Variants in MMP16 observed in about 807,000 individuals in gnomAD.
MMP16 encodes matrix metallopeptidase 16, also known as matrix metalloproteinase-16.
A neutral mutation model predicts 67.8 loss-of-function variants in MMP16; 12 were observed. That is an observed-to-expected ratio of 0.18 (90% CI 0.11 to 0.29). The LOEUF is 0.29. Ranked by LOEUF, MMP16 falls within the 10% of genes least tolerant of loss-of-function variation. The probability of loss-of-function intolerance (pLI) is 1.00; values close to 1 mark genes in which losing one functional copy is unlikely to be tolerated. For missense variants in MMP16, 475 were observed against 765.7 expected (o/e 0.62, Z 4.48); for synonymous variants, 249 against 255.9 (o/e 0.97, Z 0.26).
intron 3 of MMP16, among the ~76,000 whole-genome samples, chr8:88,181,482 C>T (rs1302322858): frequency 6.6e-6 from 1 of 151,538 alleles, no homozygotes; most frequent in Non-Finnish European, 1.5e-5. Flanking sequence ...TCAAAATATG[C>T]ATATGAGGAA....
intron 4 of MMP16, among the ~76,000 whole-genome samples, chr8:88,135,322 A>G (rs1383286178): frequency 1.1e-4 from 17 of 151,890 alleles, no homozygotes; most frequent in African/African-American, 3.9e-4. Context: ...AGCATCTAAA[A>G]TGCTGCAAGC....
At chr8:88,294,325 T>C (rs1810972500) in intron 1 of MMP16, among the ~76,000 whole-genome samples, 1 of 151,098 alleles carries the variant, frequency 6.6e-6, no homozygotes, top group Admixed American at 6.6e-5. Flanking sequence ...TGTCTATATG[T>C]GTATGTCTAT....
At chr8:88,245,083 C>T (rs1810092292) in intron 1 of MMP16, among the ~76,000 whole-genome samples, 1 of 152,068 alleles carries the variant, frequency 6.6e-6, no homozygotes, top group African/African-American at 2.4e-5. Context: ...ATCTCTATTC[C>T]TTCTTTGCCA....
chr8:88,136,297 G>A (rs1490201562), intron 4 of MMP16, among the ~76,000 whole-genome samples: 1 of 151,856 alleles, frequency 6.6e-6, no homozygotes, highest in Non-Finnish European at 1.5e-5. Context: ...AGCACTGTAA[G>A]AGCTTGACTA....
At chr8:88,138,411 G>A (rs574305973) in intron 4 of MMP16, among the ~76,000 whole-genome samples, 1 of 152,098 alleles carries the variant, frequency 6.6e-6, no homozygotes, top group East Asian at 1.9e-4. Flanking sequence ...TGAGCCAACT[G>A]AAGACTATTT....
chr8:88,317,579 A>C (rs983105527), intron 1 of MMP16, among the ~76,000 whole-genome samples: 1 of 152,184 alleles, frequency 6.6e-6, no homozygotes, highest in African/African-American at 2.4e-5. Flanking sequence ...TTGCAGTGAG[A>C]AAACCAAACC....
chr8:88,098,887 T>C (rs1036222737), intron 6 of MMP16, among the ~76,000 whole-genome samples: 1 of 151,952 alleles, frequency 6.6e-6, no homozygotes, highest in African/African-American at 2.4e-5. Flanking sequence ...TAAAACTATA[T>C]GATCACTATT....
chr8:88,131,803 T>C (rs909800460), intron 4 of MMP16, among the ~76,000 whole-genome samples: 5 of 151,894 alleles, frequency 3.3e-5, no homozygotes, highest in East Asian at 1.9e-4. Flanking sequence ...ACTTTCTTCA[T>C]TGGAATACCA....
intron 1 of MMP16, among the ~76,000 whole-genome samples, chr8:88,249,541 A>T (rs1327074923): frequency 6.6e-6 from 1 of 152,132 alleles, no homozygotes; most frequent in African/African-American, 2.4e-5. Flanking sequence ...TTCTTGGAGT[A>T]ACTTTCCCAC....
At chr8:88,065,305 T>C (rs1808450671) in intron 7 of MMP16, among the ~76,000 whole-genome samples, 1 of 152,086 alleles carries the variant, frequency 6.6e-6, no homozygotes. Flanking sequence ...AACTTTTAGA[T>C]ACACAAGTAA....
At chr8:88,079,003 C>T (rs1808700539) in intron 6 of MMP16, among the ~76,000 whole-genome samples, 2 of 152,164 alleles carry the variant, frequency 1.3e-5, no homozygotes, top group Non-Finnish European at 2.9e-5. Flanking sequence ...GACTGCAATG[C>T]CAATGCAAAG....
chr8:88,208,027 G>A (rs755092271), intron 1 of MMP16, among the ~76,000 whole-genome samples: 6 of 152,208 alleles, frequency 3.9e-5, no homozygotes, highest in Non-Finnish European at 8.8e-5. Flanking sequence ...AGGATAAGTA[G>A]CTTCGGCTGA....
At chr8:88,316,455 C>T (rs556649117) in intron 1 of MMP16, among the ~76,000 whole-genome samples, 1 of 152,190 alleles carries the variant, frequency 6.6e-6, no homozygotes, top group African/African-American at 2.4e-5. Context: ...CTCTATGGCC[C>T]TTAAGAATTA....
chr8:88,083,807 G>A (rs898218415), intron 6 of MMP16, among the ~76,000 whole-genome samples: 3 of 152,014 alleles, frequency 2.0e-5, no homozygotes, highest in Admixed American at 6.6e-5. Flanking sequence ...ACTGGTTCAA[G>A]CAAGAACCAT....
chr8:88,128,112 G>A (rs559687271), intron 4 of MMP16, among the ~76,000 whole-genome samples: 56 of 151,854 alleles, frequency 3.7e-4, no homozygotes, highest in Non-Finnish European at 6.8e-4. Flanking sequence ...TGCATGCTGC[G>A]GAGAACGGCC....
chr8:88,040,825 C>G lies in MMP16; in HGVS notation c.*636G>C, dbSNP rs1246600850. ...CCCTTGGTTGTTGGAAAATGGCTGT[C>G]CCAACAGTCTAACGTCCTGCATGTG... On this transcript the variant is annotated 3_prime_UTR_variant, in exon 10 of 10. Coordinates refer to ENST00000286614, the MANE Select transcript of MMP16 (RefSeq NM_005941.5). 2 of 152,476 alleles carry G rather than the reference C, an allele frequency of 1.3e-5. No homozygotes were observed. The highest frequency in any genetic ancestry group is 2.4e-5 in the African/African-American group (1 of 41,404). The allele number at this position is 152,476 out of a possible 1,614,324, so 9.4% of individuals were successfully genotyped here.
At chr8:88,232,127 T>A (rs899582093) in intron 1 of MMP16, among the ~76,000 whole-genome samples, 2 of 152,144 alleles carry the variant, frequency 1.3e-5, no homozygotes, top group Non-Finnish European at 2.9e-5. Context: ...AGTTCACATA[T>A]GGGCAAGTAA....
At chr8:88,294,312 A>G (rs1192605012) in intron 1 of MMP16, among the ~76,000 whole-genome samples, 5 of 151,052 alleles carry the variant, frequency 3.3e-5, no homozygotes, top group Admixed American at 2.0e-4. Flanking sequence ...GTATATATGT[A>G]TATGTCTATA....
At chr8:88,211,813 C>T (rs1809516966) in intron 1 of MMP16, among the ~76,000 whole-genome samples, 1 of 152,160 alleles carries the variant, frequency 6.6e-6, no homozygotes, top group South Asian at 2.1e-4. Flanking sequence ...CTTTATTTAA[C>T]TTCCCTGCTC....
Sources: allele counts gnomAD v4.1 joint callset (sites outside exome capture counted in the v4.1 genomes callset), GRCh38; gene constraint gnomAD v4.1.1; transcripts MANE v1.5; gene names NCBI Gene and HGNC (gene_info 2026-07-23, HGNC 2026-07-21).